Variants in FN1 observed in about 807,000 individuals in gnomAD.
FN1 encodes the protein fibronectin.
In FN1, 106 loss-of-function variants were observed where a neutral mutation model predicts 297.3. That is an observed-to-expected ratio of 0.36 (90% CI 0.30 to 0.42). The LOEUF is 0.42. FN1 is among the 10% of genes least tolerant of loss of function. The pLI, the probability that FN1 is intolerant of heterozygous loss-of-function variation, is 1.00. For synonymous variants in FN1, 1,149 were observed against 1,152.6 expected (o/e 1.00, Z 0.06); for missense variants, 2,690 against 3,124.9 (o/e 0.86, Z 3.32).
rs1465415211 is a variant in FN1 at position 215,424,331 on chromosome 2, A to G, written c.1037-6T>C. The G allele has an allele frequency of 1.2e-6, 2 of 1,612,594 alleles. No individual in the cohort carries two copies. The highest frequency in any genetic ancestry group is 4.5e-5 in the East Asian group (2 of 44,858). Reference sequence around the variant, plus strand: ...ACCGTAAGTCTGGGTTACAGCTACAATCATAATCAAAAGAGTGTCAGTAAA... The same window carrying G: ...ACCGTAAGTCTGGGTTACAGCTACAGTCATAATCAAAAGAGTGTCAGTAAA... On this transcript the variant is annotated splice_region_variant and splice_polypyrimidine_tract_variant and intron_variant, in intron 7 of 45. Coordinates refer to ENST00000354785, the MANE Select transcript of FN1 (RefSeq NM_212482.4).
At chr2:215,403,259 C>A (rs771247540) in intron 20 of FN1, among the ~76,000 whole-genome samples, 2 of 152,082 alleles carry the variant, frequency 1.3e-5, no homozygotes, top group Admixed American at 6.5e-5. Flanking sequence ...TAGGAAAAAG[C>A]CTTCATGAGC....
At chr2:215,365,395 T>G (rs1172922885) in intron 43 of FN1, 110 bp downstream of exon 43, 6 of 1,173,976 alleles carry the variant, frequency 5.1e-6, no homozygotes, top group Non-Finnish European at 7.7e-6. Context: ...CACTGTTCAC[T>G]CCTCAAGGAG....
At chr2:215,370,119 G>GA (rs1431211114) in intron 41 of FN1, among the ~76,000 whole-genome samples, 175 bp downstream of exon 41, 3 of 152,304 alleles carry the variant, frequency 2.0e-5, no homozygotes, top group East Asian at 1.9e-4. Flanking sequence ...GGATATGGCA[G>GA]GAGGTGGGGG....
At chr2:215,424,994 G>C (rs1174626200) in intron 7 of FN1, 100 bp downstream of exon 7, 1 of 1,072,640 alleles carries the variant, frequency 9.3e-7, no homozygotes, top group Non-Finnish European at 1.4e-6. Context: ...AAGATTACAG[G>C]CTTCTTGTTT....
At chr2:215,400,251 T>C (rs1248938771) in intron 20 of FN1, among the ~76,000 whole-genome samples, 3 of 152,108 alleles carry the variant, frequency 2.0e-5, no homozygotes, top group African/African-American at 7.2e-5. Context: ...CTATTTTTGG[T>C]TGCAATAAAA....
chr2:215,361,691 A>G (rs749150808), intron 45 of FN1, 65 bp from the exon 46 acceptor site: 23 of 1,296,492 alleles, frequency 1.8e-5, no homozygotes, highest in Non-Finnish European at 2.5e-5. Context: ...AGAAAAAAAA[A>G]TGCGGGGAGG....
intron 4 of FN1, 110 bp from the exon 5 acceptor site, chr2:215,430,962 T>A: frequency 1.9e-6 from 2 of 1,075,156 alleles, no homozygotes; most frequent in Non-Finnish European, 2.8e-6. Flanking sequence ...ACATTTTTTT[T>A]AAGTGGCACT....
At chr2:215,393,777 G>A (rs2059991864) in intron 24 of FN1, 1 of 152,502 alleles carries the variant, frequency 6.6e-6, no homozygotes, top group Non-Finnish European at 1.5e-5. Context: ...GGAAAGACAG[G>A]CCTAAGGTTA....
rs768951130 is a variant in FN1 at position 215,370,554 on chromosome 2, CAAAAA to C, written c.6715-127_6715-123del. The C allele has an allele frequency of 5.1e-5, 16 of 315,366 alleles. 2 individuals carry two copies. The highest frequency in any genetic ancestry group is 1.1e-4 in the Admixed American group (2 of 17,818). 19.5% of individuals were successfully genotyped at this position (315,366 alleles called of 1,614,324 possible). On this transcript the variant is annotated intron_variant, in intron 40 of 45. Transcript: ENST00000354785. ...GCAAAGGAAGACAAAAAACAAAAAA[CAAAAA>C]AAAAAAAAAGAGGGAGGGTATAGTG...
chr2:215,372,503 C>G lies in FN1; in HGVS notation c.6248-128G>C, dbSNP rs1295754766. The G allele has an allele frequency of 9.4e-6, 7 of 746,184 alleles. No individual in the cohort carries two copies. The Admixed American group carries it at 1.4e-4, about 15-fold the overall frequency. The allele number at this position is 746,184 out of a possible 1,614,324, so 46.2% of individuals were successfully genotyped here. On this transcript the variant is annotated intron_variant, in intron 39 of 45. Transcript: ENST00000354785. ...TTGATAAAAGCCACCAGAAAATGAG[C>G]AGTTCTGAGATCACAAAACACTTTT...
chr2:215,390,958 AAC>A (rs2059642110), intron 26 of FN1, among the ~76,000 whole-genome samples: 1 of 152,228 alleles, frequency 6.6e-6, no homozygotes, highest in South Asian at 2.1e-4. Flanking sequence ...GTTTATGTGA[AAC>A]ACAGCACCAT....
intron 3 of FN1, among the ~76,000 whole-genome samples, chr2:215,432,419 T>C (rs1049518879): frequency 6.6e-5 from 10 of 152,160 alleles, no homozygotes; most frequent in African/African-American, 1.9e-4. Context: ...CAAACAGACA[T>C]ATGCATATAA....
rs1238240442 is a variant in FN1, at chr2:215,420,752, G to A, written c.1596C>T (p.His532=). 6.2e-7 allele frequency: 1 copy of A among 1,614,044 alleles called. No individual in the cohort carries two copies. Among genetic ancestry groups the A allele is most frequent in the Middle Eastern group, 1.6e-4 (1 of 6,062 alleles). Residue 532 remains histidine, a synonymous_variant, in exon 11 of 46, where the codon CAC becomes CAT. Transcript: ENST00000354785. The stretch of plus-strand genomic sequence containing the variant: ...GCATGTGCCCCTCTTCATGACGCTT[G>A]TGGAATGTGTCGTTCACATTGTAAG... ...DITYNVNDTF[H]KRHEEGHMLN... is the part of the protein sequence containing the mutation.
intron 7 of FN1, among the ~76,000 whole-genome samples, chr2:215,424,674 T>C (rs1036594656): frequency 2.0e-5 from 3 of 152,198 alleles, no homozygotes; most frequent in African/African-American, 4.8e-5. Context: ...AAAATTAATA[T>C]ATGAGACTAT....
intron 2 of FN1, 39 bp from the exon 3 acceptor site, chr2:215,433,500 G>A: frequency 6.3e-7 from 1 of 1,599,232 alleles, no homozygotes; most frequent in Non-Finnish European, 8.5e-7. Flanking sequence ...CCTCACTTAG[G>A]TACAAGCTTT....
rs927495362 is a variant in FN1 at position 215,375,832 on chromosome 2, C to A, written c.5888-114G>T. The stretch of plus-strand genomic sequence containing the variant: ...TATCATCCCATATTTATATAGACTA[C>A]CAAAGTGGTCCACATTTGAACAGTA... On this transcript the variant is annotated intron_variant, in intron 36 of 45. Coordinates refer to ENST00000354785, the MANE Select transcript of FN1 (RefSeq NM_212482.4). 5.4e-5 allele frequency: 39 copies of A among 722,636 alleles called. 1 individual carries two copies. The East Asian group carries it at 1.0e-3, about 19-fold the overall frequency. The allele number at this position is 722,636 out of a possible 1,614,324, so 44.8% of individuals were successfully genotyped here. A position where few individuals can be genotyped will look rare whatever the true frequency, so the allele number is the denominator to read the frequency against.
At chr2:215,386,224 A>G (rs1326404295) in intron 28 of FN1, among the ~76,000 whole-genome samples, 1 of 150,878 alleles carries the variant, frequency 6.6e-6, no homozygotes, top group East Asian at 2.0e-4. Flanking sequence ...TTACAGGTGC[A>G]TGCCACCACA....
chr2:215,364,102 G>A (rs1475971242), intron 44 of FN1, among the ~76,000 whole-genome samples: 1 of 152,144 alleles, frequency 6.6e-6, no homozygotes, highest in African/African-American at 2.4e-5. Context: ...AACTGTATTT[G>A]TCAGACCCAC....
In FN1 at chr2:215,383,442, C is replaced by T; in HGVS notation, c.4936G>A (p.Asp1646Asn). The change falls in exon 31 of 46, where the codon GAC becomes AAC. Residue 1646 changes from aspartate to asparagine, a missense_variant. By Grantham distance (23) the Asp-to-Asn change is conservative. Around this residue, in one of 3 missense-constraint regions of FN1, gnomAD observed 1,743 missense variants for 1,945.2 expected, o/e 0.90. Coordinates refer to ENST00000354785, the MANE Select transcript of FN1 (RefSeq NM_212482.4). ...PSQMQVTDVQ[D>N]NSISVKWLPS... ...AGCCACTTGACACTAATGCTGTTGT[C>T]CTGAACATCGGTCACTTGCATCTGG... 6.2e-7 allele frequency: 1 copy of T among 1,614,098 alleles called. No homozygotes were observed. The highest frequency in any genetic ancestry group is 8.5e-7 in the Non-Finnish European group (1 of 1,180,010).
Sources: allele counts gnomAD v4.1 joint callset (sites outside exome capture counted in the v4.1 genomes callset), GRCh38; gene constraint gnomAD v4.1.1; regional missense constraint gnomAD v4.1.1; transcripts MANE v1.5; gene names NCBI Gene and HGNC (gene_info 2026-07-23, HGNC 2026-07-21).